Variants in SPAG9 observed in about 807,000 individuals in gnomAD.
SPAG9 encodes the protein C-Jun-amino-terminal kinase-interacting protein 4.
Under a neutral mutation model 166.5 loss-of-function variants are expected in SPAG9, and 35 were observed. The observed-to-expected ratio is 0.21, with a 90% CI of 0.16 to 0.28. The LOEUF (loss-of-function observed/expected upper bound fraction) is 0.28, where lower values mean the gene tolerates loss of function less well. Among genes scored for constraint, SPAG9 ranks in the 10% least tolerant of loss-of-function variants. SPAG9 has a pLI of 1.00. For synonymous variants in SPAG9, 534 were observed against 565.5 expected, an observed-to-expected ratio of 0.94 and a Z score of 0.79; for missense variants, 1,235 against 1,603.3, an observed-to-expected ratio of 0.77 and a Z score of 3.92.
intron 1 of SPAG9, among the ~76,000 whole-genome samples, chr17:51,092,700 G>T (rs1175313728): frequency 6.7e-6 from 1 of 150,328 alleles, no homozygotes; most frequent in African/African-American, 2.5e-5. Flanking sequence ...GATCACTTGA[G>T]GCCGAGAGTT....
chr17:51,070,288 T>C (rs2047787836), intron 2 of SPAG9, among the ~76,000 whole-genome samples: 1 of 152,206 alleles, frequency 6.6e-6, no homozygotes, highest in South Asian at 2.1e-4. Flanking sequence ...TAAATGATTC[T>C]ATATCAGCTC....
chr17:51,097,867 AGCTCACTGCAACCTTGACCTTCAGG>A (rs2048689096), intron 1 of SPAG9, among the ~76,000 whole-genome samples: 1 of 152,106 alleles, frequency 6.6e-6, no homozygotes, highest in Non-Finnish European at 1.5e-5. Flanking sequence ...ACACGATCCC[AGCTCACTGCAACCTTGACCTTCAGG>A]GCTCACTGCA....
At chr17:51,073,047 C>T (rs190183349) in intron 2 of SPAG9, among the ~76,000 whole-genome samples, 45 of 152,002 alleles carry the variant, frequency 3.0e-4, no homozygotes, top group African/African-American at 9.9e-4. Flanking sequence ...AAACTTCAGC[C>T]GGGCGCGGTG....
chr17:51,074,639 T>C (rs1416691272), intron 2 of SPAG9, among the ~76,000 whole-genome samples: 1 of 152,206 alleles, frequency 6.6e-6, no homozygotes, highest in Non-Finnish European at 1.5e-5. Flanking sequence ...CTCAAGACCA[T>C]ATCTAATACT....
chr17:51,101,937 G>A (rs2144739596), intron 1 of SPAG9, among the ~76,000 whole-genome samples: 1 of 152,162 alleles, frequency 6.6e-6, no homozygotes, highest in Middle Eastern at 3.4e-3. Flanking sequence ...TACCATAATA[G>A]TCTAGCACAG....
At chr17:50,968,533 C>G (rs1597868437) in intron 29 of SPAG9, among the ~76,000 whole-genome samples, 1 of 152,178 alleles carries the variant, frequency 6.6e-6, no homozygotes. Flanking sequence ...GAGTTCGAGA[C>G]CAGCCTGGCC....
chr17:50,997,613 T>C (rs1215696219), intron 15 of SPAG9, among the ~76,000 whole-genome samples: 1 of 152,220 alleles, frequency 6.6e-6, no homozygotes, highest in Non-Finnish European at 1.5e-5. Flanking sequence ...GCTATGTATA[T>C]ATACCACAGT....
At chr17:50,974,389 C>T (rs934816438) in intron 28 of SPAG9, among the ~76,000 whole-genome samples, 1 of 152,162 alleles carries the variant, frequency 6.6e-6, no homozygotes, top group East Asian at 1.9e-4. Context: ...TATTAAGCTG[C>T]TAAAGGTACC....
At position 50,970,795 on chromosome 17, in the gene SPAG9, C is replaced by G. The variant is rs201201963; in HGVS notation, c.3762G>C (p.Gly1254=). The change falls in exon 29 of 30, where the codon GGG becomes GGC. Residue 1254 remains glycine (G), a synonymous_variant. Transcript: ENST00000262013. The part of the protein sequence containing the change: ...SGTDLTGDKA[G]PSAQEPGSQT... ...GACTACCAGGCTCCTGTGCAGATGGCCCTGCTTTGTCACCCGTCAGATCCG... is the reference window on the plus strand; with the variant it reads ...GACTACCAGGCTCCTGTGCAGATGGGCCTGCTTTGTCACCCGTCAGATCCG... 1.2e-6 allele frequency: 2 copies of G among 1,614,092 alleles called. No homozygotes were observed.
At chr17:51,095,153 C>T (rs1267865026) in intron 1 of SPAG9, among the ~76,000 whole-genome samples, 1 of 151,520 alleles carries the variant, frequency 6.6e-6, no homozygotes, top group South Asian at 2.1e-4. Flanking sequence ...AAAAATTAGC[C>T]GGGCGTGGTG....
chr17:50,990,433 A>G lies in SPAG9; in HGVS notation c.2617+17T>C, dbSNP rs1975445029. On this transcript the variant is annotated intron_variant, in intron 20 of 29. Transcript: ENST00000262013. ...CTTAGACTCTATACAGATGGCAGGT[A>G]AAGAGAATGGATATACCTGGTGGTT... The G allele has an allele frequency of 1.8e-5, 28 of 1,580,496 alleles. No individual in the cohort carries two copies. Among genetic ancestry groups the G allele is most frequent in the Non-Finnish European group, 2.3e-5 (26 of 1,149,266 alleles).
At chr17:51,099,099 CA>C (rs35291018) in intron 1 of SPAG9, among the ~76,000 whole-genome samples, 284 of 45,974 alleles carry the variant, frequency 6.2e-3, no homozygotes, top group East Asian at 0.013. Context: ...GACTCCGTCT[CA>C]AAAAAAAAAA....
rs769729330 is a variant in SPAG9 at position 50,989,753 on chromosome 17, C to T, written c.2737G>A (p.Val913Ile). 22 of 1,613,834 alleles carry T rather than the reference C, an allele frequency of 1.4e-5. No homozygotes were observed. Among genetic ancestry groups the T allele is most frequent in the Admixed American group, 1.0e-4 (6 of 59,974 alleles). The stretch of plus-strand genomic sequence containing the variant: ...TCTGTAAAGACATGCTCTGTGTAGA[C>T]GCCAGTTTGGGAGATGTCCACTGTG... ...EDTVDISQTG[V>I]YTEHVFTDPL... Residue 913 changes from valine (V) to isoleucine (I), a missense_variant, in exon 21 of 30, where the codon GTC becomes ATC. Val to Ile is a conservative substitution (Grantham distance 29). Coordinates refer to ENST00000262013, the MANE Select transcript of SPAG9 (RefSeq NM_001130528.3).
At position 51,119,590 on chromosome 17, in the gene SPAG9, A is replaced by G. The variant is rs1434642013; in HGVS notation, c.303+764T>C. Among the ~76,000 whole-genome samples, 4 of 152,178 alleles carry G rather than the reference A, an allele frequency of 2.6e-5. No homozygotes were observed. In the East Asian group the frequency reaches 7.7e-4, roughly 29 times the overall value. On this transcript the variant is annotated intron_variant, in intron 1 of 29. Coordinates refer to ENST00000262013, the MANE Select transcript of SPAG9 (RefSeq NM_001130528.3). Reference sequence around the variant, plus strand: ...TGCACGTATAAACAGCAGTCTAAGAAGGAAACTCAGACGGAAAAAGTGTTG... The same window carrying G: ...TGCACGTATAAACAGCAGTCTAAGAGGGAAACTCAGACGGAAAAAGTGTTG...
chr17:51,077,069 G>GCTAT (rs1386824888), intron 2 of SPAG9, among the ~76,000 whole-genome samples: 13 of 120,892 alleles, frequency 1.1e-4, no homozygotes, highest in Admixed American at 3.3e-4. Flanking sequence ...TATCTAGCTA[G>GCTAT]CTATCTAGCT....
intron 1 of SPAG9, among the ~76,000 whole-genome samples, chr17:51,106,316 A>G: frequency 6.6e-6 from 1 of 152,158 alleles, no homozygotes. Flanking sequence ...ATAAATAGAT[A>G]AAATAAAATT....
rs1378244776 is a variant in SPAG9, at chr17:51,007,283, T to C, written c.1257A>G (p.Gln419=). 11 of 1,577,750 alleles carry C rather than the reference T, an allele frequency of 7.0e-6. No homozygotes were observed. Among genetic ancestry groups the C allele is most frequent in the South Asian group, 1.2e-5 (1 of 86,696 alleles). Residue 419 remains glutamine, a synonymous_variant, in exon 10 of 30, where the codon CAA becomes CAG. Transcript: ENST00000262013. Reference sequence around the variant, plus strand: ...CATATACTTACTTGGTTTCCAACAGTTGTGTATTTTCTAATATAAGATTCT... The same window carrying C: ...CATATACTTACTTGGTTTCCAACAGCTGTGTATTTTCTAATATAAGATTCT... ...EVENLILENT[Q]LLETKNALNI... is the part of the protein sequence containing the mutation.
chr17:51,039,653 T>C (rs542436748), intron 5 of SPAG9, among the ~76,000 whole-genome samples: 217 of 152,352 alleles, frequency 1.4e-3, no homozygotes, highest in Non-Finnish European at 2.7e-3. Context: ...CTTAAGTCTA[T>C]ACTAATAATT....
At chr17:51,095,926 GAT>G (rs564785941) in intron 1 of SPAG9, among the ~76,000 whole-genome samples, 4,345 of 126,638 alleles carry the variant, frequency 0.034, 435 homozygotes, top group African/African-American at 0.13. Flanking sequence ...TATATATAGT[GAT>G]ATATATAGTG....
Sources: gnomAD v4.1 joint callset for allele counts (sites outside exome capture counted in the v4.1 genomes callset) on GRCh38, gnomAD v4.1.1 for gene constraint, MANE v1.5 for transcripts, NCBI Gene and HGNC (gene_info 2026-07-23, HGNC 2026-07-21) for gene names.